CTIF: variants seen among roughly 807,000 people sequenced by gnomAD.
CTIF encodes cap binding complex dependent translation initiation factor.
A neutral mutation model predicts 66.0 loss-of-function variants in CTIF; 21 were observed. That is an observed-to-expected ratio of 0.32 (90% confidence interval 0.23 to 0.46). CTIF has a LOEUF of 0.46. Among genes scored for constraint, CTIF ranks in the 20% least tolerant of loss-of-function variants. The pLI, the probability that CTIF is intolerant of heterozygous loss-of-function variation, is 1.00. For missense variants in CTIF, 739 were observed against 812.7 expected, an observed-to-expected ratio of 0.91 and a Z score of 1.10; for synonymous variants, 345 against 326.4, an observed-to-expected ratio of 1.06 and a Z score of -0.62.
intron 1 of CTIF, among the ~76,000 whole-genome samples, chr18:48,564,022 G>T (rs760703558): frequency 2.0e-5 from 3 of 152,170 alleles, no homozygotes; most frequent in Non-Finnish European, 4.4e-5. Flanking sequence ...CTGGGGGAAA[G>T]GCTGCTCTCT....
intron 1 of CTIF, among the ~76,000 whole-genome samples, chr18:48,599,489 G>A (rs2144108664): frequency 6.6e-6 from 1 of 152,294 alleles, no homozygotes; most frequent in South Asian, 2.1e-4. Context: ...GTATTTTCAT[G>A]TAGTTGAGAT....
In CTIF at chr18:48,619,533, A is replaced by T; in HGVS notation, c.-28-5A>T. On this transcript the variant is annotated splice_polypyrimidine_tract_variant and splice_region_variant and intron_variant, in intron 1 of 11. Transcript: ENST00000256413. ...CACGGAGTTCTCTGTCCTCTTTCCC[A>T]CCAGTCCCGGCCCAGGCCCCTGAGC... 1.4e-6 allele frequency: 2 copies of T among 1,435,888 alleles called. No individual in the cohort carries two copies. 88.9% of individuals were successfully genotyped at this position (1,435,888 alleles called of 1,614,324 possible).
At chr18:48,591,765 A>G (rs2089891909) in intron 1 of CTIF, among the ~76,000 whole-genome samples, 1 of 152,010 alleles carries the variant, frequency 6.6e-6, no homozygotes, top group African/African-American at 2.4e-5. Context: ...CTTTTTTCTT[A>G]GAGACAGGGT....
chr18:48,639,311 A>T (rs2090883829), intron 3 of CTIF, among the ~76,000 whole-genome samples: 1 of 152,018 alleles, frequency 6.6e-6, no homozygotes, highest in Admixed American at 6.5e-5. Flanking sequence ...GTTTGCAGGG[A>T]CCTGGTGCTG....
At chr18:48,816,913 C>T (rs538232082) in intron 9 of CTIF, among the ~76,000 whole-genome samples, 44 of 152,342 alleles carry the variant, frequency 2.9e-4, no homozygotes, top group Admixed American at 1.8e-3. Flanking sequence ...ACCTCCCGTT[C>T]TACCTCATCC....
chr18:48,595,047 C>T lies in CTIF; in HGVS notation c.-28-24491C>T, dbSNP rs75297680. Among the ~76,000 whole-genome samples the T allele has an allele frequency of 9.5e-3, 1,449 of 152,336 alleles. 21 individuals carry two copies. The highest frequency in any genetic ancestry group is 0.032 in the African/African-American group (1,338 of 41,576). The stretch of plus-strand genomic sequence containing the variant: ...GCATTGGAAAGGTCATCTTGACATC[C>T]GTCTTCCCTTCCCTGTCTCGAAGCA... On this transcript the variant is annotated intron_variant, in intron 1 of 11. Transcript: ENST00000256413.
At chr18:48,576,811 A>G (rs2089543362) in intron 1 of CTIF, among the ~76,000 whole-genome samples, 1 of 152,096 alleles carries the variant, frequency 6.6e-6, no homozygotes. Flanking sequence ...TCCTCCATTA[A>G]CTTGTTTTGG....
At chr18:48,681,534 A>G (rs564412509) in intron 6 of CTIF, among the ~76,000 whole-genome samples, 52 of 152,318 alleles carry the variant, frequency 3.4e-4, no homozygotes, top group Admixed American at 2.8e-3. Flanking sequence ...GAGACCCAGA[A>G]AGGCAAACTT....
chr18:48,802,938 T>C (rs573072477), intron 9 of CTIF, among the ~76,000 whole-genome samples: 1 of 152,348 alleles, frequency 6.6e-6, no homozygotes, highest in South Asian at 2.1e-4. Flanking sequence ...TTCCAGCCTC[T>C]TCTGAGGGCT....
chr18:48,695,971 G>C (rs8094592), intron 6 of CTIF, among the ~76,000 whole-genome samples: 57,348 of 152,116 alleles, frequency 0.38, 13,411 homozygotes, highest in African/African-American at 0.67. Flanking sequence ...TTTTCTTTAT[G>C]TTCTTGCCAC....
intron 10 of CTIF, among the ~76,000 whole-genome samples, chr18:48,837,700 C>A (rs2068843344): frequency 6.6e-6 from 1 of 152,194 alleles, no homozygotes; most frequent in South Asian, 2.1e-4. Context: ...TCCTAGGCCC[C>A]CACAGCCCTA....
chr18:48,589,294 C>G (rs549324410), intron 1 of CTIF, among the ~76,000 whole-genome samples: 11 of 152,190 alleles, frequency 7.2e-5, no homozygotes, highest in African/African-American at 2.4e-4. Flanking sequence ...AGCTTTTCTC[C>G]TGGCTCGAGG....
intron 1 of CTIF, among the ~76,000 whole-genome samples, chr18:48,592,549 C>T (rs967233485): frequency 2.4e-4 from 37 of 152,174 alleles, no homozygotes; most frequent in Middle Eastern, 3.4e-3. Flanking sequence ...CCTGGCCTTC[C>T]GTTCCCATGT....
chr18:48,764,958 C>T (rs1308396235), intron 9 of CTIF, among the ~76,000 whole-genome samples: 7 of 152,190 alleles, frequency 4.6e-5, no homozygotes, highest in South Asian at 2.1e-4. Context: ...ACTCCAAGGC[C>T]CAGAGGACAC....
At chr18:48,739,635 C>T (rs922181087) in intron 7 of CTIF, among the ~76,000 whole-genome samples, 1 of 152,222 alleles carries the variant, frequency 6.6e-6, no homozygotes, top group Non-Finnish European at 1.5e-5. Flanking sequence ...GGGTGCTGCA[C>T]CCATACTGGG....
intron 1 of CTIF, among the ~76,000 whole-genome samples, chr18:48,597,292 A>G (rs1162176864): frequency 8.5e-5 from 13 of 152,228 alleles, no homozygotes; most frequent in African/African-American, 3.1e-4. Context: ...ATAGATGACC[A>G]GTCAGCTAAC....
At chr18:48,848,170 C>T (rs1026057508) in intron 10 of CTIF, among the ~76,000 whole-genome samples, 4 of 152,236 alleles carry the variant, frequency 2.6e-5, no homozygotes, top group African/African-American at 9.6e-5. Context: ...GCTTCCTCCG[C>T]CACCACGGCC....
intron 1 of CTIF, among the ~76,000 whole-genome samples, chr18:48,561,398 G>A (rs1034174577): frequency 6.6e-6 from 1 of 152,156 alleles, no homozygotes; most frequent in East Asian, 1.9e-4. Context: ...GGCATATAGT[G>A]GAGCTTTATT....
intron 10 of CTIF, among the ~76,000 whole-genome samples, chr18:48,843,460 C>T (rs1373239611): frequency 1.3e-5 from 2 of 152,232 alleles, no homozygotes; most frequent in Middle Eastern, 3.4e-3. Flanking sequence ...GATAACCACC[C>T]ATCTCTAGGC....
Sources: gnomAD v4.1 joint callset for allele counts (sites outside exome capture counted in the v4.1 genomes callset) on GRCh38, gnomAD v4.1.1 for gene constraint, MANE v1.5 for transcripts, NCBI Gene and HGNC (gene_info 2026-07-23, HGNC 2026-07-21) for gene names.